The following DNAI3 variants were observed in gnomAD, a reference collection of about 807,000 sequenced individuals.
DNAI3 encodes WD repeat domain 63.
Under a neutral mutation model 115.5 loss-of-function variants are expected in DNAI3, and 83 were observed. That is an observed-to-expected ratio of 0.72 (90% confidence interval 0.60 to 0.86). The LOEUF is 0.86. DNAI3 is among the 40% of genes least tolerant of loss of function. The pLI is 0.00. For synonymous variants in DNAI3, 320 were observed against 347.0 expected (o/e 0.92, Z 0.86); for missense variants, 1,004 against 1,075.8 (o/e 0.93, Z 0.93).
Position 85,081,372 on chromosome 1 carries a change from G to C in DNAI3, c.242G>C (p.Arg81Thr). 1 of 1,592,356 alleles carries C rather than the reference G, an allele frequency of 6.3e-7. No individual in the cohort carries two copies. The highest frequency in any genetic ancestry group is 8.5e-7 in the Non-Finnish European group (1 of 1,173,492). ...GACATTTTTGAGGACCTGCGCAACA[G>C]AGCTGCAGTATCTGATTTCCACCCA... ...KEDIFEDLRN[R>T]AAVSDFHPVK... Residue 81 changes from arginine to threonine, a missense_variant, in exon 4 of 23, where the codon AGA becomes ACA. Coordinates refer to ENST00000294664, the MANE Select transcript of DNAI3 (RefSeq NM_145172.5).
intron 3 of DNAI3, among the ~76,000 whole-genome samples, chr1:85,076,527 TCA>T (rs1654458726): frequency 6.6e-6 from 1 of 152,198 alleles, no homozygotes; most frequent in Non-Finnish European, 1.5e-5. Context: ...TTTAATTGAC[TCA>T]CAGTTCTACA....
chr1:85,083,232 G>A (rs912417016), intron 5 of DNAI3, among the ~76,000 whole-genome samples: 2 of 152,218 alleles, frequency 1.3e-5, no homozygotes, highest in African/African-American at 4.8e-5. Flanking sequence ...GCTCATGCCT[G>A]TAATCCCAGC....
intron 16 of DNAI3, among the ~76,000 whole-genome samples, chr1:85,112,054 C>A (rs1028589493): frequency 1.5e-5 from 2 of 133,176 alleles, no homozygotes; most frequent in Non-Finnish European, 3.4e-5. Context: ...ACAGTATATA[C>A]TCTTTTTTTT....
intron 15 of DNAI3, among the ~76,000 whole-genome samples, chr1:85,109,554 T>C (rs1655592254): frequency 6.6e-6 from 1 of 152,052 alleles, no homozygotes; most frequent in South Asian, 2.1e-4. Flanking sequence ...AACTGTGAAG[T>C]GTGACAGTTT....
intron 22 of DNAI3, 165 bp downstream of exon 22, chr1:85,130,277 C>T: frequency 1.0e-6 from 1 of 980,598 alleles, no homozygotes; most frequent in Non-Finnish European, 1.5e-6. Flanking sequence ...AGCTCACTGC[C>T]AGTTAGACAC....
chr1:85,130,098 G>T lies in DNAI3; in HGVS notation c.2518G>T (p.Ala840Ser). ...QEKKEMELEM[A>S]KKKVKTYQKS... ...AAAGAAAGAAATGGAACTAGAAATG[G>T]CAAAGAAAAAAGTTGTAAGTTAAAT... The change falls in exon 22 of 23, where the codon GCA (alanine) becomes TCA (serine). Residue 840 changes from alanine (A) to serine (S), a missense_variant. Physicochemically the swap from Ala to Ser is moderately conservative, Grantham distance 99. Transcript: ENST00000294664. 1 of 1,613,378 alleles carries T rather than the reference G, an allele frequency of 6.2e-7. No homozygotes were observed. The highest frequency in any genetic ancestry group is 8.5e-7 in the Non-Finnish European group (1 of 1,179,666).
intron 19 of DNAI3, 131 bp downstream of exon 19, chr1:85,124,382 G>A: frequency 2.4e-6 from 3 of 1,239,222 alleles, no homozygotes; most frequent in Non-Finnish European, 3.5e-6. Context: ...AGATGGCAGG[G>A]ACACCAGCTT....
At position 85,071,996 on chromosome 1, in the gene DNAI3, G is replaced by C; in HGVS notation, c.55G>C (p.Val19Leu). Residue 19 changes from valine to leucine, a missense_variant, in exon 2 of 23, where the codon GTA becomes CTA. This residue lies in a region of DNAI3 where 550 missense variants were observed against 568.1 expected (regional missense o/e 0.97). Coordinates refer to ENST00000294664, the MANE Select transcript of DNAI3 (RefSeq NM_145172.5). The part of the protein sequence containing the change: ...TSRGKKRLKP[V>L]LAASEDMEPV... The stretch of plus-strand genomic sequence containing the variant: ...ACGTGGCAAAAAAAGACTAAAACCA[G>C]TATTAGCTGGTAGGAATATTTCTTC... 6.2e-7 allele frequency: 1 copy of C among 1,610,712 alleles called. No individual in the cohort carries two copies. The highest frequency in any genetic ancestry group is 8.5e-7 in the Non-Finnish European group (1 of 1,179,304).
chr1:85,075,567 T>G (rs1654427100), intron 3 of DNAI3, among the ~76,000 whole-genome samples: 1 of 152,110 alleles, frequency 6.6e-6, no homozygotes, highest in Non-Finnish European at 1.5e-5. Context: ...GGCCCTGACC[T>G]TGCCAACTGT....
At chr1:85,126,775 A>G in intron 20 of DNAI3, 60 bp downstream of exon 20, 1 of 1,583,672 alleles carries the variant, frequency 6.3e-7, no homozygotes, top group Non-Finnish European at 8.7e-7. Context: ...ACATCTTGAC[A>G]TTCATCTGAA....
At position 85,073,059 on chromosome 1, in the gene DNAI3, GA is replaced by G; in HGVS notation, c.72del (p.Asp25ThrfsTer5). On this transcript the variant is annotated frameshift_variant, in exon 3 of 23. Coordinates refer to ENST00000294664, the MANE Select transcript of DNAI3 (RefSeq NM_145172.5). LOFTEE classifies it high-confidence loss of function. The stretch of plus-strand genomic sequence containing the variant: ...TTCCTTTTATTATATTCTAGCTAGT[GA>G]AGACATGGAACCAGTAAATATGGAG... ...KRLKPVLAASEDMEPVNMESM... is the reference protein window; with the variant it reads ...KRLKPVLAASXDMEPVNMESM... 6.5e-7 allele frequency: 1 copy of G among 1,542,748 alleles called. No homozygotes were observed. The highest frequency in any genetic ancestry group is 8.8e-7 in the Non-Finnish European group (1 of 1,141,496).
chr1:85,081,092 T>G, intron 3 of DNAI3, 142 bp from the exon 4 acceptor site: 2 of 652,292 alleles, frequency 3.1e-6, no homozygotes, highest in East Asian at 3.4e-5. Context: ...ATGGATATAT[T>G]TACTTTAAAT....
intron 8 of DNAI3, 21 bp downstream of exon 8, chr1:85,090,253 T>G (rs1474861445): frequency 7.2e-7 from 1 of 1,384,194 alleles, no homozygotes; most frequent in South Asian, 1.4e-5. Context: ...GCATATTAAA[T>G]TTTAAAAATA....
intron 17 of DNAI3, among the ~76,000 whole-genome samples, chr1:85,119,626 C>CAT (rs1428671442): frequency 6.6e-6 from 1 of 152,156 alleles, no homozygotes; most frequent in Non-Finnish European, 1.5e-5. Context: ...TAAGATTCGT[C>CAT]CCCTGCCTAT....
intron 13 of DNAI3, among the ~76,000 whole-genome samples, chr1:85,103,351 G>A (rs1257704568): frequency 6.6e-6 from 1 of 152,088 alleles, no homozygotes; most frequent in Non-Finnish European, 1.5e-5. Context: ...AATCCTCTGT[G>A]TGCATGCAGA....
intron 17 of DNAI3, among the ~76,000 whole-genome samples, chr1:85,118,188 T>G (rs955130378): frequency 5.3e-5 from 8 of 152,208 alleles, no homozygotes; most frequent in African/African-American, 1.9e-4. Context: ...ACTATAGTGT[T>G]TTGTTGGGCT....
In DNAI3 at chr1:85,095,944, G is replaced by A. The variant is rs1040899048; in HGVS notation, c.1187G>A (p.Ser396Asn). 2 of 1,613,872 alleles carry A rather than the reference G, an allele frequency of 1.2e-6. No individual in the cohort carries two copies. Among genetic ancestry groups the A allele is most frequent in the South Asian group, 1.1e-5 (1 of 91,076 alleles). The stretch of plus-strand genomic sequence containing the variant: ...GGTTTACTTTAGTTAATGCTGGAGA[G>A]CCCAGATGACATCTTCTGCTTCAAG... ...DPIHPQLMLE[S>N]PDDIFCFKFC... Residue 396 changes from serine to asparagine, a missense_variant, in exon 11 of 23, where the codon AGC becomes AAC. Transcript: ENST00000294664.
In DNAI3 at chr1:85,090,247, A is replaced by G; in HGVS notation, c.857+15A>G. The G allele has an allele frequency of 7.0e-7, 1 of 1,431,952 alleles. No individual in the cohort carries two copies. Among genetic ancestry groups the G allele is most frequent in the South Asian group, 1.4e-5 (1 of 73,398 alleles). The allele number at this position is 1,431,952 out of a possible 1,614,324, so 88.7% of individuals were successfully genotyped here. A position where few individuals can be genotyped will look rare whatever the true frequency, so the allele number is the denominator to read the frequency against. ...GCATCCATAAGGTAAAAAATTGCAT[A>G]TTAAATTTTAAAAATAAAACATAAA... On this transcript the variant is annotated intron_variant, in intron 8 of 22. Transcript: ENST00000294664.
intron 1 of DNAI3, among the ~76,000 whole-genome samples, chr1:85,066,685 A>T (rs1571149128): frequency 6.6e-6 from 1 of 152,164 alleles, no homozygotes; most frequent in African/African-American, 2.4e-5. Context: ...AAAAAATGTT[A>T]TGCATATTTC....
Sources: allele counts gnomAD v4.1 joint callset (sites outside exome capture counted in the v4.1 genomes callset), GRCh38; gene constraint gnomAD v4.1.1; regional missense constraint gnomAD v4.1.1; transcripts MANE v1.5; gene names NCBI Gene and HGNC (gene_info 2026-07-23, HGNC 2026-07-21).